Variants in RASGEF1B observed in about 807,000 individuals in gnomAD.
The protein encoded by RASGEF1B is RasGEF domain family member 1B, also known as ras-GEF domain-containing family member 1B.
Under a neutral mutation model 65.7 loss-of-function variants are expected in RASGEF1B, and 30 were observed. The ratio of observed to expected loss-of-function variants is 0.46; its 90% CI spans 0.34 to 0.62. The LOEUF (loss-of-function observed/expected upper bound fraction) is 0.62. Among genes scored for constraint, RASGEF1B ranks in the 20% least tolerant of loss-of-function variants. The pLI is 0.01. For synonymous variants in RASGEF1B, 175 were observed against 194.8 expected (o/e 0.90, Z 0.85); for missense variants, 495 against 580.1 (o/e 0.85, Z 1.51).
In RASGEF1B at chr4:81,434,200, G is replaced by A. The variant is rs751670005; in HGVS notation, c.1201-237C>T. ...TGCTACTAGCAGGGACTACAGGTGC[G>A]AACCACCACGACTAGCTAATATTTT... On this transcript the variant is annotated intron_variant, in intron 11 of 13. Transcript: ENST00000264400. Among the ~76,000 whole-genome samples, 7 of 151,842 alleles carry A rather than the reference G, an allele frequency of 4.6e-5. No individual in the cohort carries two copies. The South Asian group carries it at 8.3e-4, about 18-fold the overall frequency.
At chr4:81,447,371 G>A in intron 6 of RASGEF1B, 133 bp downstream of exon 6, 1 of 664,522 alleles carries the variant, frequency 1.5e-6, no homozygotes, top group Non-Finnish European at 2.5e-6. Context: ...AGACGTGGCT[G>A]ATGGAAAAAA....
At chr4:81,456,932 G>A in intron 3 of RASGEF1B, 144 bp from the exon 4 acceptor site, 2 of 681,264 alleles carry the variant, frequency 2.9e-6, no homozygotes, top group Non-Finnish European at 2.5e-6. Flanking sequence ...CTCCCTCCAT[G>A]TCAATGCCAA....
intron 10 of RASGEF1B, among the ~76,000 whole-genome samples, chr4:81,436,126 G>A (rs1244027735): frequency 6.6e-6 from 1 of 152,024 alleles, no homozygotes; most frequent in East Asian, 1.9e-4. Flanking sequence ...CCTGCTAGAA[G>A]CTGTACTGCT....
chr4:81,457,504 C>T lies in RASGEF1B; in HGVS notation c.295G>A (p.Asp99Asn), dbSNP rs1319073883. ...EHQRLSDPDS[D>N]KNQMRKIAPK... ...AAATTGTAATGTACCATTACCTTAT[C>T]ACTATCAGGATCACTTAGTCTCTGG... Residue 99 changes from aspartate (D) to asparagine (N), a missense_variant, in exon 3 of 14, where the codon GAT becomes AAT. Coordinates refer to ENST00000264400, the MANE Select transcript of RASGEF1B (RefSeq NM_152545.3). 6.2e-7 allele frequency: 1 copy of T among 1,613,900 alleles called. No homozygotes were observed. The highest frequency in any genetic ancestry group is 1.3e-5 in the African/African-American group (1 of 75,010).
chr4:81,441,419 T>C (rs940628417), intron 9 of RASGEF1B, among the ~76,000 whole-genome samples: 2 of 152,140 alleles, frequency 1.3e-5, no homozygotes, highest in Non-Finnish European at 2.9e-5. Flanking sequence ...AATTTCCAAT[T>C]TGGGAGAAAA....
chr4:81,427,706 A>C lies in RASGEF1B; in HGVS notation c.*62T>G, dbSNP rs537455283. 1 of 1,602,756 alleles carries C rather than the reference A, an allele frequency of 6.2e-7. No homozygotes were observed. Among genetic ancestry groups the C allele is most frequent in the Admixed American group, 1.7e-5 (1 of 58,960 alleles). ...CGTGGTACGAGATGCCAGAAAACAA[A>C]GGCCAGCCCCTCCATGATCTGCAGG... is the stretch of plus-strand genomic sequence containing the variant. On this transcript the variant is annotated 3_prime_UTR_variant, in exon 14 of 14. Coordinates refer to ENST00000264400, the MANE Select transcript of RASGEF1B (RefSeq NM_152545.3).
intron 8 of RASGEF1B, among the ~76,000 whole-genome samples, chr4:81,444,212 A>G (rs1417873443): frequency 6.6e-6 from 1 of 152,046 alleles, no homozygotes; most frequent in African/African-American, 2.4e-5. Context: ...TATTACATAC[A>G]TTTTCTCCGA....
chr4:81,458,563 T>C (rs1211722299), intron 2 of RASGEF1B, among the ~76,000 whole-genome samples: 1 of 152,212 alleles, frequency 6.6e-6, no homozygotes, highest in African/African-American at 2.4e-5. Flanking sequence ...TCTCTAGATA[T>C]TTTCATGAGA....
chr4:81,458,226 A>T (rs1722518043), intron 2 of RASGEF1B, among the ~76,000 whole-genome samples: 1 of 152,226 alleles, frequency 6.6e-6, no homozygotes, highest in African/African-American at 2.4e-5. Context: ...ACTTTTCTTT[A>T]ACCACATTGT....
intron 4 of RASGEF1B, chr4:81,453,971 C>T (rs897656809): frequency 2.0e-5 from 3 of 152,194 alleles, no homozygotes; most frequent in Non-Finnish European, 2.9e-5. Flanking sequence ...AAACCCAACC[C>T]GATCAAGGCA....
At chr4:81,445,398 T>C (rs201863026) in intron 8 of RASGEF1B, 128 bp downstream of exon 8, 2 of 699,944 alleles carry the variant, frequency 2.9e-6, no homozygotes, top group East Asian at 2.5e-5. Flanking sequence ...ATTTTGGGCA[T>C]TCTCAAATAA....
At chr4:81,435,774 C>CTTTTT (rs34304493) in intron 10 of RASGEF1B, among the ~76,000 whole-genome samples, 70 of 91,596 alleles carry the variant, frequency 7.6e-4, no homozygotes, top group African/African-American at 3.5e-3. Flanking sequence ...CGCGCCTGGC[C>CTTTTT]TTTTTTTTTT....
intron 10 of RASGEF1B, among the ~76,000 whole-genome samples, chr4:81,438,280 A>G (rs1056431159): frequency 3.3e-5 from 5 of 152,242 alleles, no homozygotes; most frequent in Non-Finnish European, 5.9e-5. Context: ...TTTGTTCTCT[A>G]TTAGGTACCT....
chr4:81,440,752 C>A, intron 10 of RASGEF1B, 82 bp downstream of exon 10: 7 of 850,686 alleles, frequency 8.2e-6, no homozygotes, highest in Non-Finnish European at 1.3e-5. Flanking sequence ...AGTAAAAAAA[C>A]TTCAGTGTCG....
chr4:81,458,477 G>A (rs1468977654), intron 2 of RASGEF1B, among the ~76,000 whole-genome samples: 1 of 152,194 alleles, frequency 6.6e-6, no homozygotes, highest in Non-Finnish European at 1.5e-5. Flanking sequence ...ACACTATGGT[G>A]AATTACTGCG....
chr4:81,435,463 ATTTTT>A (rs1200565994), intron 10 of RASGEF1B, among the ~76,000 whole-genome samples: 1 of 78,358 alleles, frequency 1.3e-5, no homozygotes, highest in Non-Finnish European at 2.2e-5. Context: ...GCAGGCACCG[ATTTTT>A]TTTTTTTTTT....
At chr4:81,435,335 C>T (rs1438810332) in intron 10 of RASGEF1B, among the ~76,000 whole-genome samples, 5 of 146,616 alleles carry the variant, frequency 3.4e-5, no homozygotes, top group African/African-American at 1.3e-4. Flanking sequence ...GGCGTGAACC[C>T]GGGAAGCGGA....
Position 81,427,622 on chromosome 4 carries a change from G to T in RASGEF1B, c.*146C>A. On this transcript the variant is annotated 3_prime_UTR_variant, in exon 14 of 14. Transcript: ENST00000264400. ...ATAAGTTCTCCATCTGGTCTTGAGT[G>T]AGCTTGTGTGCTTTGCTGACCCGGG... The T allele has an allele frequency of 1.4e-6, 1 of 713,338 alleles. No individual in the cohort carries two copies. Among genetic ancestry groups the T allele is most frequent in the East Asian group, 2.8e-5 (1 of 35,258 alleles). The allele number at this position is 713,338 out of a possible 1,614,324, so 44.2% of individuals were successfully genotyped here.
intron 8 of RASGEF1B, among the ~76,000 whole-genome samples, chr4:81,443,161 G>GA (rs1721903609): frequency 6.6e-6 from 1 of 152,176 alleles, no homozygotes; most frequent in African/African-American, 2.4e-5. Context: ...TAACTATTCA[G>GA]AAAAATATTA....
Sources: allele counts gnomAD v4.1 joint callset (sites outside exome capture counted in the v4.1 genomes callset), GRCh38; gene constraint gnomAD v4.1.1; transcripts MANE v1.5; gene names NCBI Gene and HGNC (gene_info 2026-07-23, HGNC 2026-07-21).